MSRB3: variants seen among roughly 807,000 people sequenced by gnomAD.
MSRB3 encodes the protein methionine-R-sulfoxide reductase B3.
Under a neutral mutation model 21.0 loss-of-function variants are expected in MSRB3, and 13 were observed. That is an observed-to-expected ratio of 0.62 (90% confidence interval 0.40 to 0.98). The LOEUF is 0.98. MSRB3 is among the 50% of genes least tolerant of loss of function. The pLI, the probability that MSRB3 is intolerant of heterozygous loss-of-function variation, is 0.00. For synonymous variants in MSRB3, 87 were observed against 88.6 expected (o/e 0.98, Z 0.10); for missense variants, 199 against 230.3 (o/e 0.86, Z 0.88).
chr12:65,430,376 T>C (rs182736639), intron 5 of MSRB3, among the ~76,000 whole-genome samples: 252 of 152,338 alleles, frequency 1.7e-3, no homozygotes, highest in African/African-American at 5.7e-3. Context: ...CACATAGTTA[T>C]AATACATATT....
chr12:65,344,076 A>C (rs1340329186), intron 4 of MSRB3: 3 of 152,092 alleles, frequency 2.0e-5, no homozygotes, highest in Non-Finnish European at 4.4e-5. Context: ...GATTAAGTAA[A>C]TAATGTTGAA....
In MSRB3 at chr12:65,379,580, G is replaced by T. The variant is rs574342635; in HGVS notation, c.292+10554G>T. On this transcript the variant is annotated intron_variant, in intron 5 of 6. Transcript: ENST00000308259. ...CTGACTTCAGTCACCACAGATTAAAGTTCCCTGTTCTTGAATTTCATATAA... is the reference window on the plus strand; with the variant it reads ...CTGACTTCAGTCACCACAGATTAAATTTCCCTGTTCTTGAATTTCATATAA... Among the ~76,000 whole-genome samples, 330 of 152,194 alleles carry T rather than the reference G, an allele frequency of 2.2e-3. 1 individual carries two copies. Among genetic ancestry groups the T allele is most frequent in the Non-Finnish European group, 3.9e-3 (266 of 68,010 alleles).
chr12:65,361,610 T>A (rs902578419), intron 4 of MSRB3, among the ~76,000 whole-genome samples: 2 of 152,204 alleles, frequency 1.3e-5, no homozygotes. Flanking sequence ...CAGATATTAA[T>A]GTTTTGTAAT....
chr12:65,357,485 G>T (rs1877453619), intron 4 of MSRB3, among the ~76,000 whole-genome samples: 1 of 151,926 alleles, frequency 6.6e-6, no homozygotes. Flanking sequence ...TCTTACATTA[G>T]TGTGGAATAT....
At chr12:65,306,400 C>T (rs1873656609) in intron 1 of MSRB3, among the ~76,000 whole-genome samples, 1 of 152,200 alleles carries the variant, frequency 6.6e-6, no homozygotes, top group African/African-American at 2.4e-5. Flanking sequence ...CTGGTTTTCA[C>T]TTTATGTCTC....
intron 5 of MSRB3, among the ~76,000 whole-genome samples, chr12:65,423,314 T>G (rs1447475452): frequency 1.3e-5 from 2 of 152,196 alleles, no homozygotes; most frequent in African/African-American, 2.4e-5. Flanking sequence ...GTTAAACTTC[T>G]GCCTTTCCAA....
chr12:65,286,323 A>G (rs1872345703), intron 1 of MSRB3: 1 of 152,226 alleles, frequency 6.6e-6, no homozygotes, highest in African/African-American at 2.4e-5. Context: ...TGACAGGGAA[A>G]CACCTTCTCA....
At chr12:65,301,556 G>A (rs1431707419) in intron 1 of MSRB3, among the ~76,000 whole-genome samples, 1 of 152,182 alleles carries the variant, frequency 6.6e-6, no homozygotes, top group East Asian at 1.9e-4. Context: ...ACATAAGAAA[G>A]ATCTGTATAA....
intron 5 of MSRB3, among the ~76,000 whole-genome samples, chr12:65,399,298 G>C (rs1294310287): frequency 1.3e-5 from 2 of 152,094 alleles, no homozygotes; most frequent in African/African-American, 4.8e-5. Context: ...GTGGTTTGTA[G>C]TTCTCCTTGA....
chr12:65,418,535 T>C (rs371815513), intron 5 of MSRB3, among the ~76,000 whole-genome samples: 1 of 152,314 alleles, frequency 6.6e-6, no homozygotes, highest in East Asian at 1.9e-4. Context: ...GCTTGTGTTT[T>C]TGGAGTTATA....
chr12:65,413,051 G>A (rs192801221), intron 5 of MSRB3, among the ~76,000 whole-genome samples: 13 of 152,280 alleles, frequency 8.5e-5, no homozygotes, highest in African/African-American at 3.1e-4. Context: ...TACAATTCAC[G>A]ATGAGATTTG....
intron 5 of MSRB3, among the ~76,000 whole-genome samples, chr12:65,436,407 C>T (rs1407372283): frequency 1.3e-5 from 2 of 151,438 alleles, no homozygotes. Flanking sequence ...CTATATAACG[C>T]ATTTGTTTTT....
chr12:65,400,834 G>T (rs967793342), intron 5 of MSRB3, among the ~76,000 whole-genome samples: 15 of 152,122 alleles, frequency 9.9e-5, no homozygotes, highest in African/African-American at 3.6e-4. Flanking sequence ...TGGTTTCAAA[G>T]AACTTCTTTA....
At chr12:65,392,371 T>C (rs1334600120) in intron 5 of MSRB3, among the ~76,000 whole-genome samples, 1 of 152,198 alleles carries the variant, frequency 6.6e-6, no homozygotes. Flanking sequence ...TGATTATTAA[T>C]GGAAATTCAA....
intron 5 of MSRB3, chr12:65,419,682 C>T (rs931968516): frequency 6.7e-6 from 5 of 741,786 alleles, no homozygotes; most frequent in Non-Finnish European, 1.2e-5. Flanking sequence ...CCAGGTGCTC[C>T]CAGATTTTAC....
At chr12:65,437,279 G>T (rs1353697330) in intron 5 of MSRB3, among the ~76,000 whole-genome samples, 1 of 151,824 alleles carries the variant, frequency 6.6e-6, no homozygotes, top group Non-Finnish European at 1.5e-5. Context: ...GTAGAGATCG[G>T]CATAGCCACT....
chr12:65,413,228 C>T (rs369456054), intron 5 of MSRB3, among the ~76,000 whole-genome samples: 2 of 152,174 alleles, frequency 1.3e-5, no homozygotes, highest in African/African-American at 4.8e-5. Context: ...AGAGAAAAGG[C>T]AGGCTTAAGC....
At chr12:65,300,418 T>G (rs1873248670) in intron 1 of MSRB3, among the ~76,000 whole-genome samples, 1 of 152,190 alleles carries the variant, frequency 6.6e-6, no homozygotes, top group Non-Finnish European at 1.5e-5. Flanking sequence ...AGAGAAACTA[T>G]AGACTTTTGG....
intron 1 of MSRB3, chr12:65,279,612 A>G (rs1057136508): frequency 6.6e-6 from 1 of 152,258 alleles, no homozygotes; most frequent in East Asian, 1.9e-4. Flanking sequence ...TATATGAATG[A>G]AAAGTGCTGT....
Sources: allele counts gnomAD v4.1 joint callset (sites outside exome capture counted in the v4.1 genomes callset), GRCh38; gene constraint gnomAD v4.1.1; transcripts MANE v1.5; gene names NCBI Gene and HGNC (gene_info 2026-07-23, HGNC 2026-07-21).